Variants in TTK observed in about 807,000 individuals in gnomAD.
TTK encodes the protein dual specificity protein kinase TTK.
TTK carries 59 observed loss-of-function variants against 117.3 expected under a neutral mutation model. The ratio of observed to expected loss-of-function variants is 0.50; its 90% CI spans 0.41 to 0.62. TTK has a LOEUF of 0.62. Ranked by LOEUF, TTK falls within the 20% of genes least tolerant of loss-of-function variation. The pLI, the probability that TTK is intolerant of heterozygous loss-of-function variation, is 0.00. For synonymous variants in TTK, 302 were observed against 325.0 expected (o/e 0.93, Z 0.76); for missense variants, 921 against 989.4 (o/e 0.93, Z 0.93).
Position 80,007,823 on chromosome 6 carries a change from G to C in TTK, c.154G>C (p.Val52Leu). The C allele has an allele frequency of 6.2e-7, 1 of 1,610,880 alleles. No individual in the cohort carries two copies. Among genetic ancestry groups the C allele is most frequent in the Non-Finnish European group, 8.5e-7 (1 of 1,178,208 alleles). Residue 52 changes from valine (V) to leucine (L), a missense_variant, in exon 3 of 22, where the codon GTT becomes CTT. Val to Leu is a conservative substitution (Grantham distance 32). Coordinates refer to ENST00000369798, the MANE Select transcript of TTK (RefSeq NM_003318.5). ...SADTTDNSGT[V>L]NQIMMMANNP... ...CCCTTATTTAGATAACTCGGGAACT[G>C]TTAACCAAATTATGATGATGGCAAA...
chr6:80,021,399 T>A (rs906075768), intron 10 of TTK, among the ~76,000 whole-genome samples: 1 of 152,196 alleles, frequency 6.6e-6, no homozygotes, highest in Non-Finnish European at 1.5e-5. Context: ...GCGTACAGGC[T>A]GAGCCCCTCA....
intron 3 of TTK, 147 bp downstream of exon 3, chr6:80,008,178 A>T: frequency 9.4e-7 from 1 of 1,061,226 alleles, no homozygotes. Flanking sequence ...CAAGAGACTA[A>T]TGTAAACTCT....
intron 13 of TTK, among the ~76,000 whole-genome samples, chr6:80,030,329 G>T (rs932906787): frequency 3.3e-5 from 5 of 152,172 alleles, no homozygotes; most frequent in African/African-American, 1.2e-4. Flanking sequence ...AGGAATGATG[G>T]GGCTGGTTGT....
chr6:80,039,957 T>C, intron 19 of TTK, 85 bp downstream of exon 19: 2 of 1,150,602 alleles, frequency 1.7e-6, no homozygotes, highest in Non-Finnish European at 2.3e-6. Context: ...TAGATATAAC[T>C]GTTCTATTCA....
intron 10 of TTK, among the ~76,000 whole-genome samples, chr6:80,019,809 T>G (rs926444171): frequency 7.9e-5 from 12 of 152,204 alleles, no homozygotes; most frequent in African/African-American, 2.9e-4. Context: ...AACCTTGATG[T>G]CAAACCCTGA....
intron 14 of TTK, among the ~76,000 whole-genome samples, chr6:80,033,618 A>G (rs1055014800): frequency 1.3e-5 from 2 of 152,196 alleles, no homozygotes; most frequent in African/African-American, 2.4e-5. Flanking sequence ...CTCTTTTGCT[A>G]TTGTAAGTTG....
In TTK at chr6:80,005,985, G is replaced by A; in HGVS notation, c.139+3G>A. 1 of 1,600,106 alleles carries A rather than the reference G, an allele frequency of 6.2e-7. No individual in the cohort carries two copies. Among genetic ancestry groups the A allele is most frequent in the Non-Finnish European group, 8.5e-7 (1 of 1,176,834 alleles). On this transcript the variant is annotated splice_donor_region_variant and intron_variant, in intron 2 of 21. Coordinates refer to ENST00000369798, the MANE Select transcript of TTK (RefSeq NM_003318.5). ...TAAAATTTCTGCTGATACTACAGGT[G>A]AGTTTTTCTTTTCTTTTAAGTTAGT...
chr6:80,012,806 C>G (rs1767195858), intron 8 of TTK, among the ~76,000 whole-genome samples: 1 of 151,848 alleles, frequency 6.6e-6, no homozygotes, highest in Non-Finnish European at 1.5e-5. Context: ...TTTCAAATAC[C>G]TAGCTCAAGA....
At chr6:80,034,131 A>C (rs1006994128) in intron 14 of TTK, among the ~76,000 whole-genome samples, 2 of 152,194 alleles carry the variant, frequency 1.3e-5, no homozygotes, top group Non-Finnish European at 2.9e-5. Flanking sequence ...AAAAAATCAA[A>C]TGCCTCAAAG....
chr6:80,013,321 A>T lies in TTK; in HGVS notation c.939A>T (p.Gly313=). 1 of 1,604,074 alleles carries T rather than the reference A, an allele frequency of 6.2e-7. No homozygotes were observed. Among genetic ancestry groups the T allele is most frequent in the African/African-American group, 1.3e-5 (1 of 74,184 alleles). Residue 313 remains glycine (G), a synonymous_variant, in exon 9 of 22, where the codon GGA becomes GGT. Coordinates refer to ENST00000369798, the MANE Select transcript of TTK (RefSeq NM_003318.5). ...RSECRDLVVP[G]SKPSGNDSCE... ...AATGCCGAGATTTGGTTGTGCCTGG[A>T]TCTAAACCAAGTGGAAATGATTCCT...
chr6:80,036,526 T>C lies in TTK; in HGVS notation c.1976T>C (p.Met659Thr), dbSNP rs1767910195. ...GCTAACTTTCTGATAGTTGATGGAA[T>C]GCTAAAGCTAATTGATTTTGGGATT... ...KPANFLIVDG[M>T]LKLIDFGIAN... Residue 659 changes from methionine (M) to threonine (T), a missense_variant, in exon 17 of 22, where the codon ATG becomes ACG. Transcript: ENST00000369798. The C allele has an allele frequency of 6.2e-6, 10 of 1,611,958 alleles. No individual in the cohort carries two copies. The highest frequency in any genetic ancestry group is 8.5e-6 in the Non-Finnish European group (10 of 1,178,932).
chr6:80,005,734 G>A (rs1766974084), intron 1 of TTK, 108 bp from the exon 2 acceptor site: 1 of 1,203,312 alleles, frequency 8.3e-7, no homozygotes, highest in East Asian at 2.4e-5. Context: ...GCATTTAGAT[G>A]TGTTCACAAA....
chr6:80,015,359 G>A (rs1456518841), intron 10 of TTK, among the ~76,000 whole-genome samples: 2 of 152,122 alleles, frequency 1.3e-5, no homozygotes, highest in African/African-American at 4.8e-5. Flanking sequence ...TTTATTTTTA[G>A]AATGCAGGGT....
chr6:80,011,562 A>G lies in TTK; in HGVS notation c.728+14A>G. On this transcript the variant is annotated intron_variant, in intron 6 of 21. Transcript: ENST00000369798. ...GTTTTTATATGGGTAAGGAAACGGA[A>G]ACAGTTTTTAAATGTTCATCTTCTA... The G allele has an allele frequency of 6.3e-7, 1 of 1,589,306 alleles. No homozygotes were observed. Among genetic ancestry groups the G allele is most frequent in the Non-Finnish European group, 8.6e-7 (1 of 1,169,020 alleles).
intron 4 of TTK, among the ~76,000 whole-genome samples, chr6:80,009,612 T>C (rs1214930707): frequency 6.6e-6 from 1 of 152,020 alleles, no homozygotes; most frequent in Non-Finnish European, 1.5e-5. Flanking sequence ...ATATTGAAAC[T>C]CTTAAATTGA....
At chr6:80,019,443 C>T (rs1767400788) in intron 10 of TTK, among the ~76,000 whole-genome samples, 1 of 152,164 alleles carries the variant, frequency 6.6e-6, no homozygotes, top group Admixed American at 6.5e-5. Context: ...ATGACCCAGA[C>T]ATCTCATAAG....
chr6:80,023,508 G>GCC (rs1455231032), intron 11 of TTK, among the ~76,000 whole-genome samples: 1 of 150,798 alleles, frequency 6.6e-6, no homozygotes, highest in African/African-American at 2.5e-5. Context: ...CAGGAGAATG[G>GCC]TGTGAACCCA....
chr6:80,026,607 T>C, intron 12 of TTK, 93 bp downstream of exon 12: 1 of 1,527,928 alleles, frequency 6.5e-7, no homozygotes, highest in Non-Finnish European at 8.9e-7. Flanking sequence ...TAAATCCTGC[T>C]CTTTTACTTT....
chr6:80,038,043 C>A lies in TTK; in HGVS notation c.2126C>A (p.Ser709Ter). The change falls in exon 18 of 22, where the codon TCA becomes TAA. Residue 709 changes from serine (S) to a stop codon, truncating the protein, a stop_gained. Coordinates refer to ENST00000369798, the MANE Select transcript of TTK (RefSeq NM_003318.5). LOFTEE classifies it high-confidence loss of function. ...TCCAGAGAGAATGGGAAATCTAAGTCAAAGGTACTGAAAAGATTATTTACA... is the reference window on the plus strand; with the variant it reads ...TCCAGAGAGAATGGGAAATCTAAGTAAAAGGTACTGAAAAGATTATTTACA... ...SSSRENGKSK[S>*]KISPKSDVWS... is the part of the protein sequence containing the mutation. The A allele has an allele frequency of 6.2e-7, 1 of 1,602,590 alleles. No individual in the cohort carries two copies. Among genetic ancestry groups the A allele is most frequent in the South Asian group, 1.1e-5 (1 of 89,952 alleles).
Sources: gnomAD v4.1 joint callset for allele counts (sites outside exome capture counted in the v4.1 genomes callset) on GRCh38, gnomAD v4.1.1 for gene constraint, MANE v1.5 for transcripts, NCBI Gene and HGNC (gene_info 2026-07-23, HGNC 2026-07-21) for gene names.